CD200R1: variants seen among roughly 807,000 people sequenced by gnomAD.
CD200R1 encodes the protein CD200 receptor 1.
In CD200R1, 30 loss-of-function variants were observed where a neutral mutation model predicts 38.1. That is an observed-to-expected ratio of 0.79 (90% CI 0.59 to 1.07). CD200R1 has a LOEUF of 1.07. Among genes scored for constraint, CD200R1 ranks in the 50% least tolerant of loss-of-function variants. CD200R1 has a pLI of 0.00. For synonymous variants in CD200R1, 128 were observed against 152.1 expected, an observed-to-expected ratio of 0.84 and a Z score of 1.16; for missense variants, 372 against 415.4, an observed-to-expected ratio of 0.90 and a Z score of 0.91.
chr3:112,932,196 G>T (rs1008234772), intron 2 of CD200R1, among the ~76,000 whole-genome samples: 1 of 152,106 alleles, frequency 6.6e-6, no homozygotes, highest in Non-Finnish European at 1.5e-5. Flanking sequence ...CACTTTTGAA[G>T]TACACCGTGT....
At chr3:112,929,137 T>C (rs1406046053) in intron 4 of CD200R1, 53 bp downstream of exon 4, 2 of 1,612,258 alleles carry the variant, frequency 1.2e-6, no homozygotes, top group African/African-American at 1.3e-5. Flanking sequence ...GAGACATTTG[T>C]TTCCGTCACA....
intron 1 of CD200R1, among the ~76,000 whole-genome samples, chr3:112,971,590 G>A (rs1427197658): frequency 6.6e-6 from 1 of 152,038 alleles, no homozygotes; most frequent in Non-Finnish European, 1.5e-5. Flanking sequence ...TTTACCTAGT[G>A]CCACCGCCAC....
In CD200R1 at chr3:112,970,894, C is replaced by T. The variant is rs189340276; in HGVS notation, c.67+3897G>A. ...TTGATACTCCACTTTGGCTCCCTTC[C>T]TGTCTCTTCTCAGATCTTCCTATCT... On this transcript the variant is annotated intron_variant, in intron 1 of 7. Coordinates refer to ENST00000308611, the MANE Select transcript of CD200R1 (RefSeq NM_138806.4). 2.0e-5 allele frequency among the ~76,000 whole-genome samples: 3 copies of T among 152,176 alleles called. No individual in the cohort carries two copies. The South Asian group carries it at 6.2e-4, about 32-fold the overall frequency.
At chr3:112,931,427 A>C (rs1269420344) in intron 2 of CD200R1, among the ~76,000 whole-genome samples, 2 of 152,230 alleles carry the variant, frequency 1.3e-5, no homozygotes, top group Non-Finnish European at 2.9e-5. Flanking sequence ...AAATATTTTG[A>C]AAAAGATAAA....
intron 1 of CD200R1, among the ~76,000 whole-genome samples, chr3:112,964,506 C>A (rs979514211): frequency 6.6e-6 from 1 of 152,294 alleles, no homozygotes; most frequent in East Asian, 1.9e-4. Flanking sequence ...GATTTGACTG[C>A]CCTGCTGGAT....
intron 2 of CD200R1, among the ~76,000 whole-genome samples, chr3:112,936,181 A>G (rs1940575366): frequency 6.6e-6 from 1 of 152,060 alleles, no homozygotes; most frequent in African/African-American, 2.4e-5. Flanking sequence ...TATGTACCAC[A>G]TTTTCTTTAT....
At chr3:112,942,142 CAAG>C (rs1361557912) in intron 2 of CD200R1, among the ~76,000 whole-genome samples, 1 of 151,486 alleles carries the variant, frequency 6.6e-6, no homozygotes, top group African/African-American at 2.4e-5. Flanking sequence ...AGATCTATAT[CAAG>C]AAGAACACTG....
At chr3:112,925,246 T>C (rs908116777) in intron 5 of CD200R1, 53 bp from the exon 6 acceptor site, 20 of 825,944 alleles carry the variant, frequency 2.4e-5, no homozygotes, top group Middle Eastern at 4.5e-4. Context: ...AATAATGTAC[T>C]ATCTTATTAT....
At chr3:112,972,139 G>A (rs1208964686) in intron 1 of CD200R1, among the ~76,000 whole-genome samples, 5 of 152,160 alleles carry the variant, frequency 3.3e-5, no homozygotes, top group South Asian at 2.1e-4. Context: ...TTTATTAATT[G>A]CTTAAGCATG....
chr3:112,948,519 C>T (rs1388154190), intron 1 of CD200R1, among the ~76,000 whole-genome samples: 1 of 152,184 alleles, frequency 6.6e-6, no homozygotes, highest in African/African-American at 2.4e-5. Context: ...AATGCACAGC[C>T]TAGATTCCTG....
At position 112,927,284 on chromosome 3, in the gene CD200R1, C is replaced by G. The variant is rs369358466; in HGVS notation, c.769+1532G>C. On this transcript the variant is annotated intron_variant, in intron 5 of 7. Transcript: ENST00000308611. ...CATACACATATTGCTCCCTCCTTTC[C>G]CAAACACTGGTAGTCAGGCTTATCT... 6.6e-5 allele frequency among the ~76,000 whole-genome samples: 10 copies of G among 152,232 alleles called. No individual in the cohort carries two copies. In the East Asian group the frequency reaches 1.9e-3, roughly 29 times the overall value.
In CD200R1 at chr3:112,945,662, C is replaced by T. The variant is rs78317092; in HGVS notation, c.136+2194G>A. Reference sequence around the variant, plus strand: ...CTTTGGTTTGGCAGTGACATTTTAGCTACCACAGTAAAGGCACAATCCATA... The same window carrying T: ...CTTTGGTTTGGCAGTGACATTTTAGTTACCACAGTAAAGGCACAATCCATA... On this transcript the variant is annotated intron_variant, in intron 2 of 7. Transcript: ENST00000308611. Among the ~76,000 whole-genome samples, 8 of 152,284 alleles carry T rather than the reference C, an allele frequency of 5.3e-5. No individual in the cohort carries two copies. In the East Asian group the frequency reaches 1.5e-3, roughly 29 times the overall value.
intron 2 of CD200R1, among the ~76,000 whole-genome samples, chr3:112,943,107 C>T (rs1001330886): frequency 6.6e-6 from 1 of 151,608 alleles, no homozygotes; most frequent in South Asian, 2.1e-4. Context: ...TAGCTGAATT[C>T]AACAATACCA....
At chr3:112,964,763 G>T (rs1256740165) in intron 1 of CD200R1, among the ~76,000 whole-genome samples, 1 of 152,208 alleles carries the variant, frequency 6.6e-6, no homozygotes, top group African/African-American at 2.4e-5. Context: ...GATTGGTCTT[G>T]AAATGTGAGG....
At chr3:112,944,841 T>C (rs534999883) in intron 2 of CD200R1, among the ~76,000 whole-genome samples, 1 of 152,258 alleles carries the variant, frequency 6.6e-6, no homozygotes, top group South Asian at 2.1e-4. Flanking sequence ...TTGTATTGTA[T>C]TGACTCATTG....
At chr3:112,970,092 A>G (rs1261786828) in intron 1 of CD200R1, among the ~76,000 whole-genome samples, 4 of 152,184 alleles carry the variant, frequency 2.6e-5, no homozygotes, top group Admixed American at 2.0e-4. Flanking sequence ...ACAGGAGGAT[A>G]ACCTGAGACT....
intron 1 of CD200R1, among the ~76,000 whole-genome samples, chr3:112,959,400 AGAT>A (rs1450786643): frequency 2.0e-5 from 3 of 152,138 alleles, no homozygotes; most frequent in Non-Finnish European, 4.4e-5. Flanking sequence ...TGACTTTATC[AGAT>A]AACCATATTA....
At chr3:112,933,251 T>C (rs1210027559) in intron 2 of CD200R1, among the ~76,000 whole-genome samples, 1 of 152,152 alleles carries the variant, frequency 6.6e-6, no homozygotes, top group African/African-American at 2.4e-5. Flanking sequence ...GCCCTGAGGA[T>C]AGCCAAACAA....
chr3:112,957,972 A>T (rs1941139003), intron 1 of CD200R1, among the ~76,000 whole-genome samples: 1 of 152,184 alleles, frequency 6.6e-6, no homozygotes. Flanking sequence ...GGCTAAAATT[A>T]AAAAGACCAA....
Sources: allele counts gnomAD v4.1 joint callset (sites outside exome capture counted in the v4.1 genomes callset), GRCh38; gene constraint gnomAD v4.1.1; transcripts MANE v1.5; gene names NCBI Gene and HGNC (gene_info 2026-07-23, HGNC 2026-07-21).